ATP9B: variants seen among roughly 807,000 people sequenced by gnomAD.
ATP9B encodes ATPase phospholipid transporting 9B, also known as probable phospholipid-transporting ATPase IIB.
ATP9B carries 110 observed loss-of-function variants against 146.1 expected under a neutral mutation model. That is an observed-to-expected ratio of 0.75 (90% confidence interval 0.65 to 0.88). The LOEUF (loss-of-function observed/expected upper bound fraction) is 0.88. Ranked by LOEUF, ATP9B falls within the 40% of genes least tolerant of loss-of-function variation. The pLI, the probability that ATP9B is intolerant of heterozygous loss-of-function variation, is 0.00. For missense variants in ATP9B, 1,499 were observed against 1,496.4 expected, an observed-to-expected ratio of 1.00 and a Z score of -0.03; for synonymous variants, 604 against 569.7, an observed-to-expected ratio of 1.06 and a Z score of -0.86.
At chr18:79,375,806 C>T (rs999381703) in intron 29 of ATP9B, 2 of 985,446 alleles carry the variant, frequency 2.0e-6, no homozygotes, top group East Asian at 1.1e-4. Context: ...AGAGATCCAG[C>T]GCTTCCCTGT....
intron 5 of ATP9B, among the ~76,000 whole-genome samples, chr18:79,129,190 G>A (rs760857002): frequency 1.3e-5 from 2 of 152,182 alleles, no homozygotes; most frequent in Non-Finnish European, 2.9e-5. Flanking sequence ...AAAGATGACA[G>A]TCAAGCCAGA....
chr18:79,071,939 A>G (rs2071892120), intron 1 of ATP9B, among the ~76,000 whole-genome samples: 1 of 125,856 alleles, frequency 7.9e-6, no homozygotes, highest in Non-Finnish European at 1.6e-5. Flanking sequence ...GTTTTTAGCC[A>G]TTATTTCTTC....
At chr18:79,190,511 T>TACACAC (rs68063845) in intron 8 of ATP9B, among the ~76,000 whole-genome samples, 19,262 of 143,232 alleles carry the variant, frequency 0.13, 1,340 homozygotes, top group Admixed American at 0.18. Context: ...TTTTTATTTA[T>TACACAC]ACACACACAC....
chr18:79,167,258 C>T (rs1189370294), intron 7 of ATP9B, among the ~76,000 whole-genome samples: 1 of 152,162 alleles, frequency 6.6e-6, no homozygotes, highest in Admixed American at 6.5e-5. Flanking sequence ...GTCTCAAGTT[C>T]TTGTCCGGCA....
At chr18:79,083,865 C>T (rs368617393) in intron 1 of ATP9B, among the ~76,000 whole-genome samples, 26 of 139,302 alleles carry the variant, frequency 1.9e-4, no homozygotes, top group African/African-American at 6.1e-4. Context: ...CCATCTTCTT[C>T]TTTTTTTTTT....
chr18:79,234,575 TG>T (rs932451669), intron 11 of ATP9B, among the ~76,000 whole-genome samples: 22 of 151,690 alleles, frequency 1.5e-4, no homozygotes, highest in African/African-American at 5.3e-4. Context: ...GCTGTGGGCT[TG>T]CTTGCTGTGG....
chr18:79,207,030 C>T lies in ATP9B; in HGVS notation c.1030+18C>T, dbSNP rs146781201. The T allele has an allele frequency of 4.6e-4, 739 of 1,608,366 alleles. 5 individuals carry two copies. The African/African-American group carries it at 8.8e-3, about 19-fold the overall frequency. On this transcript the variant is annotated intron_variant, in intron 10 of 29. Transcript: ENST00000426216. ...TGCATCAGGTAAGGAAAACATTCTC[C>T]TCTGAGTGTGATTGCTCCCGGATAG...
intron 5 of ATP9B, among the ~76,000 whole-genome samples, chr18:79,129,962 A>G (rs1942308): frequency 0.25 from 38,752 of 152,060 alleles, 5,283 homozygotes; most frequent in East Asian, 0.5. Context: ...GGCTGGTCTC[A>G]AACTCCTGAC....
At chr18:79,262,538 T>C (rs549006809) in intron 12 of ATP9B, among the ~76,000 whole-genome samples, 31 of 152,338 alleles carry the variant, frequency 2.0e-4, no homozygotes, top group African/African-American at 7.0e-4. Flanking sequence ...GGTTCACTTA[T>C]TTGAACTCAG....
intron 11 of ATP9B, among the ~76,000 whole-genome samples, chr18:79,217,730 G>A (rs1315251099): frequency 6.6e-6 from 1 of 152,186 alleles, no homozygotes; most frequent in Admixed American, 6.5e-5. Flanking sequence ...GGAAATTATT[G>A]TTTATTGCTG....
intron 14 of ATP9B, 144 bp from the exon 15 acceptor site, chr18:79,306,842 C>T: frequency 1.0e-6 from 1 of 988,754 alleles, no homozygotes; most frequent in South Asian, 1.7e-5. Flanking sequence ...TTAATCAGTG[C>T]TTTATAGGAG....
chr18:79,112,560 G>A (rs1055386650), intron 3 of ATP9B, among the ~76,000 whole-genome samples: 1 of 152,060 alleles, frequency 6.6e-6, no homozygotes, highest in Non-Finnish European at 1.5e-5. Flanking sequence ...GACCATAAGA[G>A]TAGCTGGGTA....
intron 15 of ATP9B, among the ~76,000 whole-genome samples, chr18:79,313,938 C>CT (rs2096665916): frequency 6.6e-6 from 1 of 152,192 alleles, no homozygotes; most frequent in Non-Finnish European, 1.5e-5. Context: ...TTGCAAGTCC[C>CT]TAAAGCCTCA....
At chr18:79,240,436 T>G (rs555676459) in intron 11 of ATP9B, among the ~76,000 whole-genome samples, 70 of 152,372 alleles carry the variant, frequency 4.6e-4, no homozygotes, top group African/African-American at 1.6e-3. Context: ...ATGAGCCTAA[T>G]GGAAGTTTGA....
intron 1 of ATP9B, among the ~76,000 whole-genome samples, chr18:79,094,102 CAGT>C (rs2074578757): frequency 1.3e-5 from 2 of 152,222 alleles, no homozygotes; most frequent in Non-Finnish European, 2.9e-5. Flanking sequence ...GTTTCACCAC[CAGT>C]GGGTGGTGGT....
At chr18:79,299,377 C>T (rs1307551320) in intron 13 of ATP9B, among the ~76,000 whole-genome samples, 1 of 152,162 alleles carries the variant, frequency 6.6e-6, no homozygotes, top group East Asian at 1.9e-4. Context: ...GACCCATGTG[C>T]GAGCCACATA....
chr18:79,132,707 T>C (rs2094395603), intron 5 of ATP9B, among the ~76,000 whole-genome samples: 1 of 152,220 alleles, frequency 6.6e-6, no homozygotes, highest in South Asian at 2.1e-4. Context: ...ATTTCACAGT[T>C]ACCTCTTTGA....
chr18:79,216,946 C>T (rs1351595586), intron 11 of ATP9B, among the ~76,000 whole-genome samples: 2 of 152,184 alleles, frequency 1.3e-5, no homozygotes, highest in Admixed American at 6.5e-5. Context: ...TTCACGATAG[C>T]GGTTCTAGCT....
At chr18:79,206,386 A>G (rs957405670) in intron 9 of ATP9B, among the ~76,000 whole-genome samples, 18 of 152,198 alleles carry the variant, frequency 1.2e-4, no homozygotes, top group African/African-American at 4.3e-4. Context: ...CACAAGAGAT[A>G]GAGAGAGGAA....
Sources: allele counts gnomAD v4.1 joint callset (sites outside exome capture counted in the v4.1 genomes callset), GRCh38; gene constraint gnomAD v4.1.1; transcripts MANE v1.5; gene names NCBI Gene and HGNC (gene_info 2026-07-23, HGNC 2026-07-21).